SEC11C: variants seen among roughly 807,000 people sequenced by gnomAD.
SEC11C encodes SEC11 homolog C, signal peptidase complex subunit, also known as signal peptidase complex catalytic subunit SEC11C.
Under a neutral mutation model 21.9 loss-of-function variants are expected in SEC11C, and 10 were observed. That is an observed-to-expected ratio of 0.46 (90% CI 0.28 to 0.77). SEC11C has a LOEUF of 0.77. Ranked by LOEUF, SEC11C falls within the 30% of genes least tolerant of loss-of-function variation. The pLI, the probability that SEC11C is intolerant of heterozygous loss-of-function variation, is 0.12. For missense variants in SEC11C, 145 were observed against 244.5 expected (o/e 0.59, Z 2.71); for synonymous variants, 83 against 85.6 (o/e 0.97, Z 0.17).
At chr18:59,153,713 G>T (rs942200129) in intron 3 of SEC11C, among the ~76,000 whole-genome samples, 8 of 151,280 alleles carry the variant, frequency 5.3e-5, no homozygotes, top group African/African-American at 2.0e-4. Context: ...ATCATGCCTG[G>T]CTAATTTTTT....
intron 5 of SEC11C, among the ~76,000 whole-genome samples, 159 bp from the exon 6 acceptor site, chr18:59,158,473 A>G (rs2069444268): frequency 1.3e-5 from 2 of 152,216 alleles, no homozygotes; most frequent in African/African-American, 4.8e-5. Flanking sequence ...ACCATAATGT[A>G]GCATTGAACA....
At chr18:59,157,698 T>C in intron 5 of SEC11C, 33 bp downstream of exon 5, 1 of 1,431,500 alleles carries the variant, frequency 7.0e-7, no homozygotes, top group Non-Finnish European at 9.8e-7. Flanking sequence ...ATTTATTTAC[T>C]TCGTTAAATA....
In SEC11C at chr18:59,139,947, C is replaced by T; in HGVS notation, c.-2C>T. The stretch of plus-strand genomic sequence containing the variant: ...GGCCGCTAGGTCCCCGGAGACCCTG[C>T]TATGGTGCGTGCGGGCGCCGTGGGG... On this transcript the variant is annotated 5_prime_UTR_variant, in exon 1 of 6. Transcript: ENST00000587834. The T allele has an allele frequency of 6.3e-7, 1 of 1,581,378 alleles. No homozygotes were observed. Among genetic ancestry groups the T allele is most frequent in the Non-Finnish European group, 8.6e-7 (1 of 1,162,456 alleles).
chr18:59,152,423 G>A (rs533766617), intron 2 of SEC11C, 113 bp from the exon 3 acceptor site: 53 of 1,206,078 alleles, frequency 4.4e-5, no homozygotes, highest in East Asian at 4.3e-4. Context: ...ACATTGGCTC[G>A]TTTTATAGCT....
chr18:59,158,469 A>G (rs2069444144), intron 5 of SEC11C, among the ~76,000 whole-genome samples, 163 bp from the exon 6 acceptor site: 1 of 152,204 alleles, frequency 6.6e-6, no homozygotes, highest in African/African-American at 2.4e-5. Flanking sequence ...TTTGACCATA[A>G]TGTAGCATTG....
At chr18:59,154,563 A>G (rs1029812717) in intron 3 of SEC11C, among the ~76,000 whole-genome samples, 3 of 152,192 alleles carry the variant, frequency 2.0e-5, no homozygotes, top group African/African-American at 7.2e-5. Context: ...GCCATTTGTG[A>G]TTCTTGTTTC....
intron 2 of SEC11C, among the ~76,000 whole-genome samples, chr18:59,152,118 G>C (rs1288049774): frequency 6.6e-6 from 1 of 152,036 alleles, no homozygotes; most frequent in Non-Finnish European, 1.5e-5. Flanking sequence ...TCTTAAGTAA[G>C]TATTGCAGTA....
Position 59,149,575 on chromosome 18 carries a change from C to T in SEC11C, c.150C>T (p.Gly50=). The part of the protein sequence containing the change: ...IVSSALMIWK[G]LIVLTGSESP... ...CTTCTGCACTCATGATATGGAAAGG[C>T]TTGATCGTGCTCACAGGCAGTGAGA... The change falls in exon 2 of 6, where the codon GGC becomes GGT. Residue 50 remains glycine (G), a synonymous_variant. Transcript: ENST00000587834. 1 of 1,613,222 alleles carries T rather than the reference C, an allele frequency of 6.2e-7. No individual in the cohort carries two copies. The highest frequency in any genetic ancestry group is 1.3e-5 in the African/African-American group (1 of 75,036).
intron 3 of SEC11C, among the ~76,000 whole-genome samples, chr18:59,153,717 A>ATT (rs975351586): frequency 6.4e-5 from 9 of 139,554 alleles, no homozygotes; most frequent in Admixed American, 1.4e-4. Flanking sequence ...TGCCTGGCTA[A>ATT]TTTTTTTTTT....
intron 1 of SEC11C, 58 bp downstream of exon 1, chr18:59,140,093 T>G: frequency 6.9e-7 from 1 of 1,442,476 alleles, no homozygotes; most frequent in Non-Finnish European, 9.3e-7. Context: ...TAGCGGGGAG[T>G]CGGGGCTTCC....
chr18:59,155,929 G>A, intron 4 of SEC11C, 122 bp downstream of exon 4: 1 of 1,181,558 alleles, frequency 8.5e-7, no homozygotes, highest in Non-Finnish European at 1.2e-6. Flanking sequence ...GTTTTAAGCA[G>A]TTCTAGTTTA....
At chr18:59,145,704 A>G (rs1395592260) in intron 1 of SEC11C, among the ~76,000 whole-genome samples, 1 of 152,254 alleles carries the variant, frequency 6.6e-6, no homozygotes, top group African/African-American at 2.4e-5. Context: ...CCAGATGTGC[A>G]TTTGAAAACC....
chr18:59,146,038 G>A (rs1306753563), intron 1 of SEC11C, among the ~76,000 whole-genome samples: 1 of 152,186 alleles, frequency 6.6e-6, no homozygotes, highest in East Asian at 1.9e-4. Context: ...CTGTCATGAA[G>A]TGGCGCATGA....
intron 2 of SEC11C, among the ~76,000 whole-genome samples, chr18:59,150,466 G>A (rs1452635619): frequency 6.6e-6 from 1 of 152,252 alleles, no homozygotes; most frequent in Admixed American, 6.5e-5. Context: ...GGTTGGCCAA[G>A]GGGCACACTT....
At chr18:59,158,155 A>C (rs1370593109) in intron 5 of SEC11C, among the ~76,000 whole-genome samples, 1 of 152,156 alleles carries the variant, frequency 6.6e-6, no homozygotes, top group Non-Finnish European at 1.5e-5. Flanking sequence ...TCCCAGGTTC[A>C]GGTGATTCTC....
chr18:59,155,209 T>C (rs2069405814), intron 3 of SEC11C, among the ~76,000 whole-genome samples: 1 of 152,208 alleles, frequency 6.6e-6, no homozygotes, highest in Non-Finnish European at 1.5e-5. Flanking sequence ...ATGAAGTGAG[T>C]CTGGAAAAGC....
At chr18:59,156,047 C>A (rs2069414505) in intron 4 of SEC11C, 2 of 372,804 alleles carry the variant, frequency 5.4e-6, no homozygotes, top group South Asian at 2.7e-5. Context: ...CAAAATAAAT[C>A]CAGCCAGGCG....
At chr18:59,140,151 A>T in intron 1 of SEC11C, 116 bp downstream of exon 1, 1 of 889,492 alleles carries the variant, frequency 1.1e-6, no homozygotes, top group African/African-American at 1.8e-5. Flanking sequence ...GGCCACCCGA[A>T]GCTCCCGCGC....
intron 3 of SEC11C, among the ~76,000 whole-genome samples, chr18:59,153,754 T>C (rs140816507): frequency 1.3e-4 from 20 of 151,684 alleles, no homozygotes; most frequent in African/African-American, 3.6e-4. Flanking sequence ...TCTCCTAGGC[T>C]GGAGTGCAAT....
Sources: gnomAD v4.1 joint callset for allele counts (sites outside exome capture counted in the v4.1 genomes callset) on GRCh38, gnomAD v4.1.1 for gene constraint, MANE v1.5 for transcripts, NCBI Gene and HGNC (gene_info 2026-07-23, HGNC 2026-07-21) for gene names.